DLEU7: variants seen among roughly 807,000 people sequenced by gnomAD.
The protein encoded by DLEU7 is leukemia-associated protein 7.
In DLEU7, 17 loss-of-function variants were observed where a neutral mutation model predicts 16.0. The ratio of observed to expected loss-of-function variants is 1.06; its 90% CI spans 0.73 to 1.59. The LOEUF is 1.59. Among genes scored for constraint, DLEU7 ranks in the 40% most tolerant of loss-of-function variants. DLEU7 has a pLI of 0.00. For synonymous variants in DLEU7, 113 were observed against 139.8 expected (o/e 0.81, Z 1.35); for missense variants, 308 against 314.9 (o/e 0.98, Z 0.17).
At chr13:50,757,117 C>A (rs9596343) in intron 1 of DLEU7, among the ~76,000 whole-genome samples, 4,217 of 152,288 alleles carry the variant, frequency 0.028, 166 homozygotes, top group African/African-American at 0.091. Context: ...TTCAGAGGGT[C>A]TGTGGATCCT....
At chr13:50,837,088 A>G (rs1877495131) in intron 1 of DLEU7, among the ~76,000 whole-genome samples, 1 of 152,216 alleles carries the variant, frequency 6.6e-6, no homozygotes, top group Non-Finnish European at 1.5e-5. Flanking sequence ...ATGAAGAACC[A>G]AAGTATTAGC....
chr13:50,800,546 T>G (rs189085279), intron 1 of DLEU7, among the ~76,000 whole-genome samples: 1 of 152,206 alleles, frequency 6.6e-6, no homozygotes, highest in Admixed American at 6.5e-5. Context: ...TCACTCCTCC[T>G]AGGCTGCCCT....
chr13:50,776,766 C>T (rs910098718), intron 1 of DLEU7, among the ~76,000 whole-genome samples: 1 of 152,116 alleles, frequency 6.6e-6, no homozygotes, highest in Admixed American at 6.5e-5. Flanking sequence ...TCTATAGTTA[C>T]TAGATCTGTT....
chr13:50,796,692 G>A (rs1041341808), intron 1 of DLEU7, among the ~76,000 whole-genome samples: 4 of 152,122 alleles, frequency 2.6e-5, no homozygotes, highest in African/African-American at 9.7e-5. Context: ...AATGGAATGT[G>A]AAAGGAAGTG....
intron 1 of DLEU7, among the ~76,000 whole-genome samples, chr13:50,769,768 G>A (rs1015936389): frequency 2.6e-5 from 4 of 152,116 alleles, no homozygotes; most frequent in African/African-American, 7.2e-5. Context: ...TTAGCAATGC[G>A]GGCTCTTTTT....
chr13:50,787,688 T>C (rs1875825679), intron 1 of DLEU7, among the ~76,000 whole-genome samples: 1 of 151,768 alleles, frequency 6.6e-6, no homozygotes, highest in Non-Finnish European at 1.5e-5. Context: ...AAAACATGGA[T>C]CCAATCATGT....
At chr13:50,812,410 G>C (rs1876599198) in intron 1 of DLEU7, among the ~76,000 whole-genome samples, 1 of 152,016 alleles carries the variant, frequency 6.6e-6, no homozygotes, top group South Asian at 2.1e-4. Flanking sequence ...GCTGACTCAG[G>C]GCTAGTGCTA....
intron 1 of DLEU7, among the ~76,000 whole-genome samples, chr13:50,714,939 C>T (rs936906155): frequency 6.6e-6 from 1 of 152,222 alleles, no homozygotes; most frequent in Non-Finnish European, 1.5e-5. Context: ...TCAAGCCTCA[C>T]AGGGCTGAAA....
At chr13:50,723,835 T>TA (rs969784259) in intron 1 of DLEU7, among the ~76,000 whole-genome samples, 2 of 151,062 alleles carry the variant, frequency 1.3e-5, no homozygotes, top group African/African-American at 4.9e-5. Context: ...AAAAAAATAA[T>TA]AAAAAAAATA....
intron 1 of DLEU7, among the ~76,000 whole-genome samples, chr13:50,790,153 G>A (rs973638390): frequency 2.6e-5 from 4 of 151,756 alleles, no homozygotes; most frequent in African/African-American, 9.7e-5. Flanking sequence ...GGCTGGTATC[G>A]AACTCCTGGC....
chr13:50,837,162 C>T (rs1877498781), intron 1 of DLEU7, among the ~76,000 whole-genome samples: 1 of 152,174 alleles, frequency 6.6e-6, no homozygotes, highest in Non-Finnish European at 1.5e-5. Flanking sequence ...GGTGTACCTA[C>T]TGGAAATGCG....
chr13:50,749,644 G>T (rs1237503221), intron 1 of DLEU7, among the ~76,000 whole-genome samples: 1 of 152,098 alleles, frequency 6.6e-6, no homozygotes, highest in Non-Finnish European at 1.5e-5. Context: ...GCAGGAGTAA[G>T]GTGGTATCAC....
chr13:50,775,663 C>T (rs1307567613), intron 1 of DLEU7, among the ~76,000 whole-genome samples: 28 of 152,154 alleles, frequency 1.8e-4, no homozygotes, highest in Admixed American at 1.5e-3. Context: ...GTGGGCTACA[C>T]GTAGATGGAC....
At position 50,791,853 on chromosome 13, in the gene DLEU7, T is replaced by A. The variant is rs77107316; in HGVS notation, c.459+51335A>T. ...TGACGCCTTTACATGTTTTCCACAT[T>A]TTCTTGGCTGCTCTTTGATCACCTT... On this transcript the variant is annotated intron_variant, in intron 1 of 1. Coordinates refer to the DLEU7 transcript ENST00000400393. 6.2e-3 allele frequency among the ~76,000 whole-genome samples: 951 copies of A among 152,328 alleles called. 9 individuals are homozygous for A. Among genetic ancestry groups the A allele is most frequent in the African/African-American group, 0.022 (897 of 41,584 alleles).
intron 1 of DLEU7, among the ~76,000 whole-genome samples, chr13:50,730,618 AT>A (rs1873888488): frequency 2.6e-5 from 4 of 152,066 alleles, no homozygotes; most frequent in Admixed American, 6.5e-5. Flanking sequence ...TTTCCAGGGA[AT>A]CTCCTGGTTT....
intron 1 of DLEU7, among the ~76,000 whole-genome samples, chr13:50,789,337 A>T (rs1409199077): frequency 6.8e-6 from 1 of 146,198 alleles, no homozygotes; most frequent in East Asian, 2.0e-4. Context: ...CCTCAATGCC[A>T]TTCTCCAGAT....
At chr13:50,822,058 G>GCGCACA (rs372574697), downstream of DLEU7, among the ~76,000 whole-genome samples, 3 of 149,772 alleles carry the variant, frequency 2.0e-5, no homozygotes, top group African/African-American at 7.4e-5. Flanking sequence ...ACACATGAGC[G>GCGCACA]CACACACACA....
chr13:50,809,470 A>G lies in DLEU7; in HGVS notation c.459+33718T>C, dbSNP rs542249679. Among the ~76,000 whole-genome samples the G allele has an allele frequency of 7.9e-5, 12 of 152,258 alleles. No individual in the cohort carries two copies. The East Asian group carries it at 2.3e-3, about 29-fold the overall frequency. On this transcript the variant is annotated intron_variant, in intron 1 of 1. Transcript: ENST00000400393. ...CCATCAGTCAACCTATCATCTGGCT[A>G]GTTAAATGAAGTAAAATAACCTCAG...
chr13:50,712,788 G>T (rs936286028), exon 2 of DLEU7: 12 of 169,938 alleles, frequency 7.1e-5, no homozygotes, highest in African/African-American at 2.6e-4. Flanking sequence ...TTCTACTTCA[G>T]TGCAAAGGTA....
Sources: allele counts gnomAD v4.1 joint callset (sites outside exome capture counted in the v4.1 genomes callset), GRCh38; gene constraint gnomAD v4.1.1; transcripts MANE v1.5; gene names NCBI Gene and HGNC (gene_info 2026-07-23, HGNC 2026-07-21).